Variants in NFIA observed in about 807,000 individuals in gnomAD.
The protein encoded by NFIA is nuclear factor I A, also known as nuclear factor 1 A-type.
In NFIA, 8 loss-of-function variants were observed where a neutral mutation model predicts 62.8. That is an observed-to-expected ratio of 0.13 (90% CI 0.07 to 0.23). NFIA has a LOEUF of 0.23. NFIA is among the 10% of genes least tolerant of loss of function. The probability of loss-of-function intolerance (pLI) is 1.00; values close to 1 mark genes in which losing one functional copy is unlikely to be tolerated. For synonymous variants in NFIA, 235 were observed against 238.1 expected (o/e 0.99, Z 0.12); for missense variants, 410 against 642.1 (o/e 0.64, Z 3.91).
chr1:61,446,382 T>A, intron 10 of NFIA, among the ~76,000 whole-genome samples: 1 of 152,164 alleles, frequency 6.6e-6, no homozygotes, highest in East Asian at 1.9e-4. Flanking sequence ...GGACTGTTGG[T>A]CTGCATGGCC....
intron 2 of NFIA, among the ~76,000 whole-genome samples, chr1:61,231,885 AAC>A (rs1186842119): frequency 1.8e-4 from 28 of 152,148 alleles, no homozygotes; most frequent in African/African-American, 5.5e-4. Context: ...AAAAAAACAA[AAC>A]AAGAAATAAT....
intron 2 of NFIA, among the ~76,000 whole-genome samples, chr1:61,101,123 C>T (rs1360543735): frequency 6.6e-6 from 1 of 152,092 alleles, no homozygotes; most frequent in Non-Finnish European, 1.5e-5. Flanking sequence ...TGGCCAGGCA[C>T]AGTGGCTCAT....
intron 3 of NFIA, among the ~76,000 whole-genome samples, chr1:61,292,549 G>A (rs1327398396): frequency 1.3e-5 from 2 of 152,160 alleles, no homozygotes; most frequent in Non-Finnish European, 2.9e-5. Flanking sequence ...AAAGGATACA[G>A]ATATTTAGGC....
chr1:61,156,578 A>G (rs757245498), intron 2 of NFIA, among the ~76,000 whole-genome samples: 43 of 152,100 alleles, frequency 2.8e-4, no homozygotes, highest in Admixed American at 2.6e-4. Flanking sequence ...TAGGCTGAAA[A>G]ATTGTCCAGT....
At chr1:61,365,263 G>A (rs570194377) in intron 6 of NFIA, among the ~76,000 whole-genome samples, 11 of 152,058 alleles carry the variant, frequency 7.2e-5, no homozygotes, top group South Asian at 4.2e-4. Context: ...AAGATCTCCC[G>A]GTGATGCTTG....
At position 61,426,455 on chromosome 1, in the gene NFIA, C is replaced by A; in HGVS notation, c.1421-10C>A. 1.3e-6 allele frequency: 2 copies of A among 1,547,260 alleles called. No individual in the cohort carries two copies. Among genetic ancestry groups the A allele is most frequent in the East Asian group, 2.4e-5 (1 of 40,888 alleles). ...CGCTTCCTGAACGCATGTGTCCCTT[C>A]CCTTCACAGCCTACTCGACACCCAG... is the stretch of plus-strand genomic sequence containing the variant. On this transcript the variant is annotated splice_polypyrimidine_tract_variant and intron_variant, in intron 9 of 10. Coordinates refer to ENST00000403491, the MANE Select transcript of NFIA (RefSeq NM_001134673.4).
chr1:61,348,594 G>A (rs1214000562), intron 4 of NFIA, among the ~76,000 whole-genome samples: 1 of 152,158 alleles, frequency 6.6e-6, no homozygotes, highest in Admixed American at 6.5e-5. Context: ...CATCTGGAAG[G>A]TGGGCACACC....
At chr1:61,251,138 A>G (rs1016613436) in intron 2 of NFIA, 4 of 152,212 alleles carry the variant, frequency 2.6e-5, no homozygotes, top group Non-Finnish European at 5.9e-5. Flanking sequence ...GCCCTGGCTC[A>G]CTTTTCTTTT....
chr1:61,174,884 A>T (rs1054822130), intron 2 of NFIA, among the ~76,000 whole-genome samples: 1 of 152,168 alleles, frequency 6.6e-6, no homozygotes, highest in South Asian at 2.1e-4. Context: ...TGCACTTTTG[A>T]TGGGACCCAA....
At chr1:61,348,450 A>T (rs144620346) in intron 4 of NFIA, among the ~76,000 whole-genome samples, 4 of 152,234 alleles carry the variant, frequency 2.6e-5, no homozygotes, top group African/African-American at 9.6e-5. Flanking sequence ...CAGAAGTCTG[A>T]TAGACACTTT....
chr1:61,174,613 A>G (rs1221613249), intron 2 of NFIA, among the ~76,000 whole-genome samples: 2 of 152,216 alleles, frequency 1.3e-5, no homozygotes, highest in Non-Finnish European at 2.9e-5. Context: ...TGAGTAGCTG[A>G]CATCTGCCAT....
At chr1:61,296,510 G>A (rs1659195725) in intron 3 of NFIA, among the ~76,000 whole-genome samples, 1 of 152,150 alleles carries the variant, frequency 6.6e-6, no homozygotes, top group Non-Finnish European at 1.5e-5. Context: ...GTTGTCCCAA[G>A]TAATTTCTTC....
intron 5 of NFIA, among the ~76,000 whole-genome samples, chr1:61,357,008 T>C (rs888910682): frequency 6.6e-6 from 1 of 152,158 alleles, no homozygotes; most frequent in African/African-American, 2.4e-5. Flanking sequence ...AAAATATAAC[T>C]CCCCTGTCAT....
At chr1:61,092,662 G>T (rs1646340909) in intron 2 of NFIA, among the ~76,000 whole-genome samples, 1 of 152,102 alleles carries the variant, frequency 6.6e-6, no homozygotes, top group African/African-American at 2.4e-5. Flanking sequence ...GTTTTGTTCT[G>T]CTGTACCTCA....
At chr1:61,370,630 A>G (rs184336613) in intron 6 of NFIA, among the ~76,000 whole-genome samples, 1 of 152,314 alleles carries the variant, frequency 6.6e-6, no homozygotes, top group East Asian at 1.9e-4. Context: ...TTTTTTAAAT[A>G]CAGTGTAACT....
chr1:61,376,514 A>G (rs1215906591), intron 6 of NFIA, among the ~76,000 whole-genome samples: 2 of 152,184 alleles, frequency 1.3e-5, no homozygotes, highest in African/African-American at 4.8e-5. Flanking sequence ...TAATTCATTC[A>G]GTGTGTGTTT....
intron 10 of NFIA, among the ~76,000 whole-genome samples, chr1:61,427,178 C>T (rs994079121): frequency 6.6e-6 from 1 of 152,054 alleles, no homozygotes; most frequent in Non-Finnish European, 1.5e-5. Flanking sequence ...CTCAGACATC[C>T]AGAGCTTGTC....
chr1:61,390,203 T>G (rs1380043424), intron 7 of NFIA, among the ~76,000 whole-genome samples: 1 of 152,208 alleles, frequency 6.6e-6, no homozygotes, highest in African/African-American at 2.4e-5. Flanking sequence ...TCAAACAGTT[T>G]GCCTTCGCAT....
intron 2 of NFIA, among the ~76,000 whole-genome samples, chr1:61,184,120 AAAACC>A (rs1650957107): frequency 2.1e-5 from 3 of 144,242 alleles, no homozygotes; most frequent in Admixed American, 6.9e-5. Context: ...GGGGGGAAAA[AAAACC>A]AAAAAAAAAA....
Sources: gnomAD v4.1 joint callset for allele counts (sites outside exome capture counted in the v4.1 genomes callset) on GRCh38, gnomAD v4.1.1 for gene constraint, MANE v1.5 for transcripts, NCBI Gene and HGNC (gene_info 2026-07-23, HGNC 2026-07-21) for gene names.